Variants in COG5 observed in about 807,000 individuals in gnomAD.
COG5 encodes the protein component of oligomeric golgi complex 5.
In COG5, 86 loss-of-function variants were observed where a neutral mutation model predicts 110.4. The observed-to-expected ratio is 0.78, with a 90% confidence interval of 0.65 to 0.93. COG5 has a LOEUF of 0.93. COG5 is among the 40% of genes least tolerant of loss of function. COG5 has a pLI of 0.00. For synonymous variants in COG5, 360 were observed against 334.6 expected (o/e 1.08, Z -0.83); for missense variants, 1,077 against 987.0 (o/e 1.09, Z -1.22).
intron 5 of COG5, among the ~76,000 whole-genome samples, chr7:107,540,653 G>A (rs1801913987): frequency 6.7e-6 from 1 of 148,972 alleles, no homozygotes; most frequent in Admixed American, 6.7e-5. Context: ...TAACTTAAGT[G>A]TGAACCAGAA....
chr7:107,267,416 T>G (rs1803889723), intron 14 of COG5, among the ~76,000 whole-genome samples: 1 of 152,210 alleles, frequency 6.6e-6, no homozygotes, highest in Non-Finnish European at 1.5e-5. Flanking sequence ...ACCCATGACC[T>G]AAACACTGGC....
chr7:107,406,568 T>C (rs1027989143), intron 7 of COG5, among the ~76,000 whole-genome samples: 1 of 152,078 alleles, frequency 6.6e-6, no homozygotes. Flanking sequence ...ATAAAATATC[T>C]AATATATATT....
chr7:107,365,596 C>CAAAAAAAAAAAAAAAAAAAAAAA (rs71134263), intron 8 of COG5, among the ~76,000 whole-genome samples: 2 of 36,702 alleles, frequency 5.4e-5, no homozygotes, highest in African/African-American at 9.5e-5. Context: ...TGCAAAATGA[C>CAAAAAAAAAAAAAAAAAAAAAAA]AAAAAAAAAA....
At chr7:107,539,552 T>C (rs182773078) in intron 5 of COG5, among the ~76,000 whole-genome samples, 236 of 152,242 alleles carry the variant, frequency 1.6e-3, no homozygotes, top group African/African-American at 5.4e-3. Flanking sequence ...GAGAAGTGGA[T>C]AGAGGGAGTA....
chr7:107,532,752 G>T (rs969878672), intron 5 of COG5, among the ~76,000 whole-genome samples: 1 of 152,050 alleles, frequency 6.6e-6, no homozygotes, highest in African/African-American at 2.4e-5. Context: ...TTATTCATTT[G>T]CTCTGCTGCA....
At chr7:107,233,838 T>C (rs1194856299) in intron 18 of COG5, among the ~76,000 whole-genome samples, 2 of 152,214 alleles carry the variant, frequency 1.3e-5, no homozygotes, top group Non-Finnish European at 2.9e-5. Context: ...ATGTTTTGAC[T>C]GACCCTCGAA....
chr7:107,229,845 GT>G (rs869077755), intron 19 of COG5, among the ~76,000 whole-genome samples: 34 of 122,050 alleles, frequency 2.8e-4, no homozygotes, highest in East Asian at 7.1e-4. Flanking sequence ...TTTGGTTTTT[GT>G]TTTTTTTTTT....
chr7:107,348,424 T>C (rs1452198255), intron 10 of COG5, among the ~76,000 whole-genome samples: 1 of 152,182 alleles, frequency 6.6e-6, no homozygotes, highest in African/African-American at 2.4e-5. Context: ...ATGGGCCTAC[T>C]AGTTTCTTGA....
chr7:107,451,728 T>A (rs1795353617), intron 6 of COG5, among the ~76,000 whole-genome samples: 1 of 152,168 alleles, frequency 6.6e-6, no homozygotes, highest in Non-Finnish European at 1.5e-5. Flanking sequence ...TAAATATACT[T>A]TCTCTTTCTT....
chr7:107,211,365 T>G, intron 19 of COG5, 140 bp from the exon 20 acceptor site: 1 of 943,774 alleles, frequency 1.1e-6, no homozygotes, highest in Non-Finnish European at 1.6e-6. Context: ...ACCACTCTAT[T>G]CAGCCTTGAG....
chr7:107,505,012 A>G (rs754320357), intron 6 of COG5, among the ~76,000 whole-genome samples: 21 of 152,118 alleles, frequency 1.4e-4, no homozygotes, highest in Non-Finnish European at 2.6e-4. Context: ...TCTTTGTATG[A>G]TAGCTTTCTC....
chr7:107,538,063 T>C (rs1383631318), intron 5 of COG5, among the ~76,000 whole-genome samples: 1 of 152,068 alleles, frequency 6.6e-6, no homozygotes, highest in East Asian at 1.9e-4. Context: ...AAGCTGGAAA[T>C]TGAACAGGTG....
rs547990210 is a variant in COG5, at chr7:107,250,781, A to C, written c.1750-2282T>G. 1.6e-4 allele frequency among the ~76,000 whole-genome samples: 24 copies of C among 152,272 alleles called. No homozygotes were observed. In the South Asian group the frequency reaches 4.8e-3, roughly 30 times the overall value. Reference sequence around the variant, plus strand: ...GGCTTCGTAGAAGAATTATACGTAGAGATGACCAAGGAAAGAGTCAATGAA... The same window carrying C: ...GGCTTCGTAGAAGAATTATACGTAGCGATGACCAAGGAAAGAGTCAATGAA... On this transcript the variant is annotated intron_variant, in intron 16 of 21. Transcript: ENST00000297135.
At chr7:107,272,771 CA>C (rs2116731761) in intron 14 of COG5, among the ~76,000 whole-genome samples, 1 of 152,230 alleles carries the variant, frequency 6.6e-6, no homozygotes, top group East Asian at 1.9e-4. Context: ...ATTCCCATTA[CA>C]GCGAGAATCT....
intron 18 of COG5, among the ~76,000 whole-genome samples, chr7:107,233,761 T>C (rs1363972039): frequency 6.6e-6 from 1 of 152,186 alleles, no homozygotes; most frequent in Non-Finnish European, 1.5e-5. Flanking sequence ...AATAAGGCAG[T>C]TGAAAAGCCC....
chr7:107,512,249 A>G (rs1256920585), intron 6 of COG5, among the ~76,000 whole-genome samples: 2 of 152,204 alleles, frequency 1.3e-5, no homozygotes, highest in Non-Finnish European at 2.9e-5. Flanking sequence ...TTATACACCA[A>G]TAACAGACAA....
chr7:107,361,027 A>G (rs1813068834), intron 10 of COG5, among the ~76,000 whole-genome samples: 2 of 152,222 alleles, frequency 1.3e-5, no homozygotes, highest in Non-Finnish European at 1.5e-5. Flanking sequence ...CTTGAGGGCT[A>G]GTCCTGGAGG....
At chr7:107,403,539 A>C (rs1791593370) in intron 7 of COG5, among the ~76,000 whole-genome samples, 1 of 149,340 alleles carries the variant, frequency 6.7e-6, no homozygotes, top group Admixed American at 6.7e-5. Flanking sequence ...TCCCTCCCCT[A>C]GCCCCCTAAC....
intron 6 of COG5, among the ~76,000 whole-genome samples, chr7:107,421,761 G>A (rs145808777): frequency 0.011 from 1,565 of 138,674 alleles, 14 homozygotes; most frequent in African/African-American, 0.043. Flanking sequence ...AGGAGACTCC[G>A]TCTCAAAAAA....
Sources: gnomAD v4.1 joint callset for allele counts (sites outside exome capture counted in the v4.1 genomes callset) on GRCh38, gnomAD v4.1.1 for gene constraint, MANE v1.5 for transcripts, NCBI Gene and HGNC (gene_info 2026-07-23, HGNC 2026-07-21) for gene names.